EEA1: variants seen among roughly 807,000 people sequenced by gnomAD.
EEA1 encodes early endosome antigen 1, 162kD.
EEA1 carries 111 observed loss-of-function variants against 209.2 expected under a neutral mutation model. The ratio of observed to expected loss-of-function variants is 0.53; its 90% CI spans 0.45 to 0.62. The LOEUF is 0.62. Ranked by LOEUF, EEA1 falls within the 20% of genes least tolerant of loss-of-function variation. The pLI, the probability that EEA1 is intolerant of heterozygous loss-of-function variation, is 0.00. For synonymous variants in EEA1, 536 were observed against 540.6 expected, an observed-to-expected ratio of 0.99 and a Z score of 0.12; for missense variants, 1,343 against 1,530.8, an observed-to-expected ratio of 0.88 and a Z score of 2.05.
At position 92,851,272 on chromosome 12, in the gene EEA1, A is replaced by G; in HGVS notation, c.643-6T>C. On this transcript the variant is annotated splice_region_variant and splice_polypyrimidine_tract_variant and intron_variant, in intron 8 of 28. Transcript: ENST00000322349. ...TCTATACCAGGTCTCTGAAGCTGTG[A>G]AACAACACATTTTAATTAAAAATTA... 6.3e-7 allele frequency: 1 copy of G among 1,598,106 alleles called. No homozygotes were observed. Among genetic ancestry groups the G allele is most frequent in the South Asian group, 1.2e-5 (1 of 86,840 alleles).
chr12:92,785,285 G>A (rs1409207678), intron 22 of EEA1, among the ~76,000 whole-genome samples: 2 of 152,030 alleles, frequency 1.3e-5, no homozygotes, highest in African/African-American at 4.8e-5. Context: ...CAGCAGATGG[G>A]GCTAAAGGCA....
At chr12:92,875,351 T>G (rs1979802) in intron 2 of EEA1, among the ~76,000 whole-genome samples, 43,407 of 151,762 alleles carry the variant, frequency 0.29, 6,636 homozygotes, top group Non-Finnish European at 0.32. Flanking sequence ...CAGGAGAATC[T>G]CTTGAACCCA....
chr12:92,859,282 T>G lies in EEA1; in HGVS notation c.246-1797A>C, dbSNP rs1565838924. The G allele has an allele frequency of 1.9e-6, 3 of 1,572,372 alleles. No individual in the cohort carries two copies. The East Asian group carries it at 6.7e-5, about 35-fold the overall frequency. ...CAAAAAGCTTAAATATTGAAAGTTT[T>G]CATCTTTTTTCCCCATACTTGTTGG... is the stretch of plus-strand genomic sequence containing the variant. On this transcript the variant is annotated intron_variant, in intron 3 of 28. Transcript: ENST00000322349.
At chr12:92,871,246 C>T (rs1291425771) in intron 2 of EEA1, among the ~76,000 whole-genome samples, 1 of 152,066 alleles carries the variant, frequency 6.6e-6, no homozygotes, top group Non-Finnish European at 1.5e-5. Flanking sequence ...GCAGACTTCC[C>T]AAGAGCCTCT....
intron 28 of EEA1, 105 bp from the exon 29 acceptor site, chr12:92,776,238 T>C (rs1873654039): frequency 1.9e-6 from 2 of 1,077,272 alleles, no homozygotes; most frequent in Non-Finnish European, 2.6e-6. Flanking sequence ...ACATTAGCTT[T>C]CAAGTCATTG....
chr12:92,896,935 G>A (rs891439912), intron 1 of EEA1, among the ~76,000 whole-genome samples: 2 of 152,050 alleles, frequency 1.3e-5, no homozygotes, highest in African/African-American at 4.8e-5. Context: ...AGTGCTTTGG[G>A]AGGCCAAAGA....
intron 14 of EEA1, among the ~76,000 whole-genome samples, chr12:92,818,020 G>C (rs1432944049): frequency 6.6e-6 from 1 of 152,120 alleles, no homozygotes; most frequent in Non-Finnish European, 1.5e-5. Context: ...GTAGCTCCTT[G>C]ATAGTATTCA....
chr12:92,867,893 G>C (rs1347555505), intron 2 of EEA1, among the ~76,000 whole-genome samples: 1 of 151,976 alleles, frequency 6.6e-6, no homozygotes, highest in African/African-American at 2.4e-5. Flanking sequence ...ACAGTCACTG[G>C]AATTCAGTAC....
In EEA1 at chr12:92,778,151, C is replaced by T. The variant is rs1276428752; in HGVS notation, c.3683G>A (p.Gly1228Glu). Residue 1228 changes from glycine to glutamate, a missense_variant, in exon 26 of 29, where the codon GGA (glycine) becomes GAA (glutamate). By Grantham distance (98) the Gly-to-Glu change is moderately conservative. This residue lies in a region of EEA1 where 1,307 missense variants were observed against 1,465.5 expected (regional missense o/e 0.89). Transcript: ENST00000322349. ...LHSEIKEKEV[G>E]MKKHEENEAK... ...CTCATTTTCTTCATGCTTCTTCATT[C>T]CTACTTCCTTTTCTTTTATTTCGGA... 1 of 1,611,950 alleles carries T rather than the reference C, an allele frequency of 6.2e-7. No individual in the cohort carries two copies. The highest frequency in any genetic ancestry group is 8.5e-7 in the Non-Finnish European group (1 of 1,179,100).
intron 11 of EEA1, among the ~76,000 whole-genome samples, chr12:92,831,575 A>G (rs1275079424): frequency 6.9e-6 from 1 of 145,858 alleles, no homozygotes; most frequent in Non-Finnish European, 1.5e-5. Context: ...GTGTATATAT[A>G]CTATATATAT....
At chr12:92,824,679 C>A (rs984048535) in intron 13 of EEA1, among the ~76,000 whole-genome samples, 1 of 152,230 alleles carries the variant, frequency 6.6e-6, no homozygotes, top group Non-Finnish European at 1.5e-5. Context: ...AGAGGCCTAA[C>A]ACTGCAGTCC....
chr12:92,828,130 A>T, intron 11 of EEA1, 69 bp from the exon 12 acceptor site: 3 of 1,237,880 alleles, frequency 2.4e-6, no homozygotes, highest in Non-Finnish European at 3.1e-6. Context: ...CTACTTTCCA[A>T]ACAATGTTTT....
chr12:92,912,461 C>T (rs1270239718), intron 1 of EEA1, among the ~76,000 whole-genome samples: 2 of 152,206 alleles, frequency 1.3e-5, no homozygotes, highest in Admixed American at 6.5e-5. Flanking sequence ...AACTCCTCTG[C>T]CACCACATAA....
At chr12:92,797,979 T>C (rs1212334406) in intron 21 of EEA1, among the ~76,000 whole-genome samples, 1 of 152,296 alleles carries the variant, frequency 6.6e-6, no homozygotes, top group South Asian at 2.1e-4. Context: ...ATCTTCTCCA[T>C]AGACCAATTA....
Position 92,832,563 on chromosome 12 carries a change from CTGT to C in EEA1, c.1200_1202del (p.Gln401del), listed in dbSNP as rs766291127. On this transcript the variant is annotated inframe_deletion, in exon 11 of 29. Coordinates refer to ENST00000322349, the MANE Select transcript of EEA1 (RefSeq NM_003566.4). ...ACCCATGCTGCTCCTTTTCTTCTCT[CTGT>C]TGTTGTAGCTGCTTAAACTCCGCCT... 1.2e-6 allele frequency: 2 copies of C among 1,613,986 alleles called. No individual in the cohort carries two copies. The highest frequency in any genetic ancestry group is 2.2e-5 in the East Asian group (1 of 44,856).
rs932913395 is a variant in EEA1 at position 92,790,651 on chromosome 12, T to C, written c.2968-2602A>G. Among the ~76,000 whole-genome samples, 5 of 152,292 alleles carry C rather than the reference T, an allele frequency of 3.3e-5. No homozygotes were observed. In the East Asian group the frequency reaches 7.7e-4, roughly 24 times the overall value. ...AAAGACCAAATCTACATTTGATTGG[T>C]GTACCTGAAGGTGATGGGGAGAATG... On this transcript the variant is annotated intron_variant, in intron 21 of 28. Transcript: ENST00000322349.
At chr12:92,835,726 T>C (rs1001172876) in intron 10 of EEA1, among the ~76,000 whole-genome samples, 1 of 152,086 alleles carries the variant, frequency 6.6e-6, no homozygotes, top group Non-Finnish European at 1.5e-5. Context: ...TTTCACTCTT[T>C]AAAAGGCAAA....
intron 13 of EEA1, among the ~76,000 whole-genome samples, chr12:92,822,168 G>A (rs1876085950): frequency 6.6e-6 from 1 of 151,594 alleles, no homozygotes; most frequent in South Asian, 2.1e-4. Flanking sequence ...TATTCCCTCA[G>A]TTGCCTCTCC....
In EEA1 at chr12:92,774,386, G is replaced by A. The variant is rs1260824201; in HGVS notation, c.*1625C>T. 1 of 151,136 alleles carries A rather than the reference G, an allele frequency of 6.6e-6. No individual in the cohort carries two copies. The highest frequency in any genetic ancestry group is 1.9e-4 in the East Asian group (1 of 5,182). The allele number at this position is 151,136 out of a possible 1,614,324, so 9.4% of individuals were successfully genotyped here. Reference sequence around the variant, plus strand: ...TCTCTTTAGTTTACATACACTGTAGGTATAGCATGAATATAATTTCATTTC... The same window carrying A: ...TCTCTTTAGTTTACATACACTGTAGATATAGCATGAATATAATTTCATTTC... On this transcript the variant is annotated 3_prime_UTR_variant, in exon 29 of 29. Transcript: ENST00000322349.
Sources: gnomAD v4.1 joint callset for allele counts (sites outside exome capture counted in the v4.1 genomes callset) on GRCh38, gnomAD v4.1.1 for gene constraint, gnomAD v4.1.1 regional missense constraint, MANE v1.5 for transcripts, NCBI Gene and HGNC (gene_info 2026-07-23, HGNC 2026-07-21) for gene names.